The following RB1 variants were observed in gnomAD, a reference collection of about 807,000 sequenced individuals.
RB1 encodes RB transcriptional corepressor 1.
RB1 carries 18 observed loss-of-function variants against 135.4 expected under a neutral mutation model. The observed-to-expected ratio is 0.13, with a 90% CI of 0.09 to 0.20. RB1 has a LOEUF of 0.20. RB1 is among the 10% of genes least tolerant of loss of function. RB1 has a pLI of 1.00. For synonymous variants in RB1, 365 were observed against 373.2 expected (o/e 0.98, Z 0.25); for missense variants, 868 against 1,110.0 (o/e 0.78, Z 3.10).
At chr13:48,354,952 A>G (rs1377163965) in intron 6 of RB1, among the ~76,000 whole-genome samples, 1 of 152,136 alleles carries the variant, frequency 6.6e-6, no homozygotes, top group African/African-American at 2.4e-5. Context: ...AAGACCTTAA[A>G]CTATGAAACT....
chr13:48,359,818 TAC>T lies in RB1; in HGVS notation c.608-197_608-196del. Among the ~76,000 whole-genome samples, 3 of 151,362 alleles carry T rather than the reference TAC, an allele frequency of 2.0e-5. No homozygotes were observed. The South Asian group carries it at 6.2e-4, about 31-fold the overall frequency. On this transcript the variant is annotated intron_variant, in intron 6 of 26. Coordinates refer to ENST00000267163, the MANE Select transcript of RB1 (RefSeq NM_000321.3). ...CACTTGATTTATAATTCCATAACTTTACATATTTCTATTTTACATATTTTATA... is the reference window on the plus strand; with the variant it reads ...CACTTGATTTATAATTCCATAACTTTATATTTCTATTTTACATATTTTATA...
intron 17 of RB1, among the ~76,000 whole-genome samples, chr13:48,433,641 CTG>C (rs1223499243): frequency 6.6e-6 from 1 of 150,910 alleles, no homozygotes; most frequent in African/African-American, 2.4e-5. Context: ...CTTGATAAAA[CTG>C]TTCCACTGTT....
At chr13:48,359,752 A>G (rs1190233655) in intron 6 of RB1, among the ~76,000 whole-genome samples, 27 of 151,370 alleles carry the variant, frequency 1.8e-4, no homozygotes, top group Admixed American at 1.7e-3. Flanking sequence ...AATTAATTAT[A>G]ACAGAAATAC....
chr13:48,440,773 A>G (rs1949229210), intron 17 of RB1, among the ~76,000 whole-genome samples: 1 of 152,182 alleles, frequency 6.6e-6, no homozygotes, highest in Non-Finnish European at 1.5e-5. Flanking sequence ...CTTTTCATTT[A>G]AAAAATTAAT....
chr13:48,308,957 A>G (rs1390318753), intron 2 of RB1, among the ~76,000 whole-genome samples: 3 of 152,058 alleles, frequency 2.0e-5, no homozygotes, highest in African/African-American at 7.2e-5. Flanking sequence ...TTTGTAATAT[A>G]GTTTCTAGTG....
chr13:48,354,581 C>A (rs897285533), intron 6 of RB1, among the ~76,000 whole-genome samples: 4 of 152,062 alleles, frequency 2.6e-5, no homozygotes, highest in African/African-American at 9.7e-5. Context: ...ATAGAAAAAA[C>A]AGTCCTCAAA....
intron 17 of RB1, among the ~76,000 whole-genome samples, chr13:48,449,228 T>G (rs924335609): frequency 6.6e-6 from 1 of 152,204 alleles, no homozygotes; most frequent in African/African-American, 2.4e-5. Context: ...AATATTTGAT[T>G]GCCACTCATA....
In RB1 at chr13:48,480,570, C is replaced by G; in HGVS notation, c.*499C>G. On this transcript the variant is annotated 3_prime_UTR_variant, in exon 27 of 27. Transcript: ENST00000267163. ...GCCCATTCACCAAAATTATCCTGAA[C>G]TCTTCTGCAAAAATGGATATTATTA... is the stretch of plus-strand genomic sequence containing the variant. The G allele has an allele frequency of 4.4e-6, 1 of 227,344 alleles. No homozygotes were observed. 14.1% of individuals were successfully genotyped at this position (227,344 alleles called of 1,614,324 possible).
chr13:48,476,826 A>C lies in RB1; in HGVS notation c.2646A>C (p.Ser882=). ...AACTACGCTTTGATATTGAAGGATC[A>C]GATGAAGCAGATGGAAGGTAGGAAC... ...LKKLRFDIEG[S]DEADGSKHLP... is the part of the protein sequence containing the mutation. The change falls in exon 25 of 27, where the codon TCA becomes TCC. Residue 882 remains serine (S), a synonymous_variant. Transcript: ENST00000267163. 6.2e-7 allele frequency: 1 copy of C among 1,613,644 alleles called. No individual in the cohort carries two copies. The highest frequency in any genetic ancestry group is 8.5e-7 in the Non-Finnish European group (1 of 1,179,608).
chr13:48,336,402 A>T (rs964642184), intron 2 of RB1, among the ~76,000 whole-genome samples: 5 of 151,934 alleles, frequency 3.3e-5, no homozygotes, highest in Admixed American at 3.3e-4. Flanking sequence ...CTTCTTCCTG[A>T]TTTAGTCTTG....
intron 14 of RB1, 44 bp downstream of exon 14, chr13:48,379,694 G>A (rs369491515): frequency 9.1e-5 from 144 of 1,577,176 alleles, no homozygotes; most frequent in Non-Finnish European, 1.2e-4. Flanking sequence ...GGGCGCGGTG[G>A]CTCACGCCTG....
At chr13:48,383,704 G>A (rs570674750) in intron 17 of RB1, among the ~76,000 whole-genome samples, 27 of 152,106 alleles carry the variant, frequency 1.8e-4, no homozygotes, top group Admixed American at 5.2e-4. Context: ...ACTACTTATG[G>A]AATGAATTTA....
At chr13:48,331,544 C>T (rs552868994) in intron 2 of RB1, among the ~76,000 whole-genome samples, 2 of 152,286 alleles carry the variant, frequency 1.3e-5, no homozygotes, top group South Asian at 4.1e-4. Flanking sequence ...CCCTGCACCA[C>T]CTCAGGACTC....
chr13:48,319,854 GA>G lies in RB1; in HGVS notation c.264+12450del. On this transcript the variant is annotated intron_variant, in intron 2 of 26. Transcript: ENST00000267163. The surrounding 1 kb of genome is among the most constrained non-coding windows in gnomAD (Gnocchi z 5.0). ...AGTCGTTGCTGCTCGCTCTGACCGG[GA>G]AGGCAGAACCCTAGTCCTCACTGGA... 3.0e-6 allele frequency: 1 copy of G among 329,664 alleles called. No individual in the cohort carries two copies. Among genetic ancestry groups the G allele is most frequent in the South Asian group, 3.6e-5 (1 of 27,448 alleles). 20.4% of individuals were successfully genotyped at this position (329,664 alleles called of 1,614,324 possible).
At chr13:48,459,994 G>T (rs1175003896) in intron 20 of RB1, among the ~76,000 whole-genome samples, 161 bp downstream of exon 20, 2 of 94,762 alleles carry the variant, frequency 2.1e-5, no homozygotes, top group Non-Finnish European at 4.5e-5. Flanking sequence ...TTTTGAGATA[G>T]AGTCTCACTC....
chr13:48,366,833 A>G (rs1952704574), intron 9 of RB1, among the ~76,000 whole-genome samples: 1 of 152,192 alleles, frequency 6.6e-6, no homozygotes, highest in South Asian at 2.1e-4. Context: ...AAAGATTAAA[A>G]GCAGGCTGGG....
chr13:48,364,357 A>G (rs1952672742), intron 8 of RB1, among the ~76,000 whole-genome samples: 1 of 152,234 alleles, frequency 6.6e-6, no homozygotes, highest in Non-Finnish European at 1.5e-5. Context: ...GTAGCTGCAG[A>G]TGCCTGCTGT....
chr13:48,406,333 A>G (rs1948739364), intron 17 of RB1, among the ~76,000 whole-genome samples: 1 of 152,210 alleles, frequency 6.6e-6, no homozygotes, highest in South Asian at 2.1e-4. Context: ...TTTGCCAAGT[A>G]ATGACATTAA....
At chr13:48,436,608 A>T (rs1207761495) in intron 17 of RB1, among the ~76,000 whole-genome samples, 1 of 151,852 alleles carries the variant, frequency 6.6e-6, no homozygotes, top group African/African-American at 2.4e-5. Context: ...GCACCACTGC[A>T]CTCCAGCCTG....
Sources: gnomAD v4.1 joint callset for allele counts (sites outside exome capture counted in the v4.1 genomes callset) on GRCh38, gnomAD v4.1.1 for gene constraint, Gnocchi (gnomAD v3.1) non-coding constraint, MANE v1.5 for transcripts, NCBI Gene and HGNC (gene_info 2026-07-23, HGNC 2026-07-21) for gene names.